TLN2: variants seen among roughly 807,000 people sequenced by gnomAD.
The protein encoded by TLN2 is talin 2.
Under a neutral mutation model 294.7 loss-of-function variants are expected in TLN2, and 118 were observed. That is an observed-to-expected ratio of 0.40 (90% confidence interval 0.34 to 0.47). TLN2 has a LOEUF of 0.47. TLN2 is among the 20% of genes least tolerant of loss of function. TLN2 has a pLI of 0.84. For synonymous variants in TLN2, 1,431 were observed against 1,304.5 expected (o/e 1.10, Z -2.09); for missense variants, 3,083 against 3,282.2 (o/e 0.94, Z 1.48).
chr15:62,497,492 A>T lies in TLN2; in HGVS notation c.-237-92195A>T, dbSNP rs190548334. ...TCCAGCAGTTGCTCCTTGCCCTCCA[A>T]TGGCTGCAGGATGCCTGCTTCCTCT... On this transcript the variant is annotated intron_variant, in intron 1 of 58. Coordinates refer to ENST00000636159, the MANE Select transcript of TLN2 (RefSeq NM_015059.3). Among the ~76,000 whole-genome samples, 5 of 152,250 alleles carry T rather than the reference A, an allele frequency of 3.3e-5. No homozygotes were observed. The East Asian group carries it at 9.7e-4, about 29-fold the overall frequency.
At chr15:62,612,545 G>A (rs955324183) in intron 2 of TLN2, among the ~76,000 whole-genome samples, 5 of 152,178 alleles carry the variant, frequency 3.3e-5, no homozygotes, top group African/African-American at 1.2e-4. Flanking sequence ...AGCCCTGGGG[G>A]TCTTTATGGT....
At chr15:62,522,551 A>C (rs1055191837) in intron 1 of TLN2, among the ~76,000 whole-genome samples, 2 of 152,174 alleles carry the variant, frequency 1.3e-5, no homozygotes, top group African/African-American at 4.8e-5. Context: ...TTTCTGATGA[A>C]TTTGTAGCTG....
chr15:62,501,632 T>A (rs2039313091), intron 1 of TLN2, among the ~76,000 whole-genome samples: 1 of 152,152 alleles, frequency 6.6e-6, no homozygotes, highest in Admixed American at 6.5e-5. Flanking sequence ...CTGACAAATA[T>A]TTTTTGGAAA....
intron 1 of TLN2, among the ~76,000 whole-genome samples, chr15:62,444,905 A>G (rs1442457864): frequency 6.6e-6 from 1 of 152,178 alleles, no homozygotes; most frequent in African/African-American, 2.4e-5. Flanking sequence ...GTGTTGGTGC[A>G]TGTGTATGTT....
At chr15:62,582,208 ACACAC>A in intron 1 of TLN2, among the ~76,000 whole-genome samples, 1 of 118,334 alleles carries the variant, frequency 8.5e-6, no homozygotes, top group Non-Finnish European at 1.8e-5. Context: ...ACACACACAC[ACACAC>A]ACACACACAC....
At chr15:62,785,035 A>G (rs767578871) in intron 45 of TLN2, among the ~76,000 whole-genome samples, 1 of 152,226 alleles carries the variant, frequency 6.6e-6, no homozygotes, top group Non-Finnish European at 1.5e-5. Context: ...GGAGTACCAT[A>G]TATGTATGTA....
At position 62,724,953 on chromosome 15, in the gene TLN2, C is replaced by T. The variant is rs778150047; in HGVS notation, c.3127-23C>T. 3.9e-5 allele frequency: 63 copies of T among 1,604,270 alleles called. No homozygotes were observed. The South Asian group carries it at 6.7e-4, about 17-fold the overall frequency. On this transcript the variant is annotated intron_variant, in intron 26 of 58. Coordinates refer to ENST00000636159, the MANE Select transcript of TLN2 (RefSeq NM_015059.3). The stretch of plus-strand genomic sequence containing the variant: ...ACTTTTCCCAAGCAGACTGGGTATA[C>T]ATATTTCCAACTCTGTTGGCAGGCC...
At chr15:62,451,502 A>G (rs1482516293) in intron 1 of TLN2, among the ~76,000 whole-genome samples, 3 of 152,088 alleles carry the variant, frequency 2.0e-5, no homozygotes. Flanking sequence ...CTAAAAATAC[A>G]AAAAATTAGC....
chr15:62,776,194 G>A (rs1365453718), intron 42 of TLN2, among the ~76,000 whole-genome samples: 3 of 152,078 alleles, frequency 2.0e-5, no homozygotes, highest in African/African-American at 7.2e-5. Flanking sequence ...ATGGTCTAAG[G>A]AATGCATGGG....
chr15:62,818,840 T>C (rs559426587), intron 52 of TLN2, among the ~76,000 whole-genome samples: 26 of 37,330 alleles, frequency 7.0e-4, no homozygotes, highest in African/African-American at 2.2e-3. Flanking sequence ...CTTTTTTTTT[T>C]TATTTTTATT....
At chr15:62,786,642 C>T (rs972752557) in intron 45 of TLN2, among the ~76,000 whole-genome samples, 3 of 151,946 alleles carry the variant, frequency 2.0e-5, no homozygotes, top group African/African-American at 4.8e-5. Context: ...TACTGGATGC[C>T]TTAAAAGCTG....
chr15:62,752,425 C>G lies in TLN2; in HGVS notation c.4330C>G (p.Gln1444Glu). ...ALCGLTEAAA[Q>E]AAYLVGISDP... ...CTGTGGGCTGACAGAGGCTGCAGCC[C>G]AGGTAAGGGGCTAGTCCCGATGCAG... Residue 1444 changes from glutamine to glutamate, a missense_variant and splice_region_variant, in exon 35 of 59, where the codon CAG becomes GAG. Transcript: ENST00000636159. The G allele has an allele frequency of 6.2e-7, 1 of 1,614,060 alleles. No individual in the cohort carries two copies. Among genetic ancestry groups the G allele is most frequent in the East Asian group, 2.2e-5 (1 of 44,864 alleles).
At chr15:62,779,504 A>G (rs1196058017) in intron 43 of TLN2, among the ~76,000 whole-genome samples, 2 of 152,232 alleles carry the variant, frequency 1.3e-5, no homozygotes, top group East Asian at 3.8e-4. Context: ...AATAAATGAA[A>G]TTGAAATCCT....
At position 62,736,955 on chromosome 15, in the gene TLN2, G is replaced by A. The variant is rs200271249; in HGVS notation, c.3436G>A (p.Asp1146Asn). Residue 1146 changes from aspartate to asparagine, a missense_variant, in exon 29 of 59, where the codon GAC becomes AAC. Transcript: ENST00000636159. Reference sequence around the variant, plus strand: ...CCGTGGAGTGGCTGCATCGACAACCGACCCCGCGGCCGCCCATGCCATGTT... The same window carrying A: ...CCGTGGAGTGGCTGCATCGACAACCAACCCCGCGGCCGCCCATGCCATGTT... ...AARGVAASTT[D>N]PAAAHAMLDS... 5.0e-6 allele frequency: 8 copies of A among 1,614,026 alleles called. No homozygotes were observed. Among genetic ancestry groups the A allele is most frequent in the Admixed American group, 1.7e-5 (1 of 59,998 alleles).
intron 42 of TLN2, 101 bp downstream of exon 42, chr15:62,771,235 G>T (rs963863955): frequency 7.6e-7 from 1 of 1,320,594 alleles, no homozygotes; most frequent in Non-Finnish European, 1.0e-6. Flanking sequence ...TCCAGTTCTT[G>T]CTGGTGGCAT....
At chr15:62,666,331 T>G (rs1293016871) in intron 9 of TLN2, among the ~76,000 whole-genome samples, 3 of 152,106 alleles carry the variant, frequency 2.0e-5, no homozygotes, top group African/African-American at 7.2e-5. Flanking sequence ...GGCTTTTCCC[T>G]CATGACTGGG....
At chr15:62,527,708 A>G (rs2040816573) in intron 1 of TLN2, among the ~76,000 whole-genome samples, 1 of 152,178 alleles carries the variant, frequency 6.6e-6, no homozygotes, top group Non-Finnish European at 1.5e-5. Flanking sequence ...TATGGCTTTA[A>G]CTTTCAATTC....
At chr15:62,508,292 C>T (rs1416778938) in intron 1 of TLN2, among the ~76,000 whole-genome samples, 2 of 152,196 alleles carry the variant, frequency 1.3e-5, no homozygotes, top group African/African-American at 2.4e-5. Flanking sequence ...TCTTGACTCA[C>T]TGCAACCTTC....
chr15:62,601,081 C>T (rs1000989284), intron 2 of TLN2, among the ~76,000 whole-genome samples: 6 of 152,050 alleles, frequency 3.9e-5, no homozygotes, highest in African/African-American at 1.4e-4. Flanking sequence ...CTTCTCTGAC[C>T]CTTGTGATTT....
Sources: allele counts gnomAD v4.1 joint callset (sites outside exome capture counted in the v4.1 genomes callset), GRCh38; gene constraint gnomAD v4.1.1; transcripts MANE v1.5; gene names NCBI Gene and HGNC (gene_info 2026-07-23, HGNC 2026-07-21).